Variants in KCNMB2 observed in about 807,000 individuals in gnomAD.
The protein encoded by KCNMB2 is calcium-activated potassium channel subunit beta-2.
In KCNMB2, 9 loss-of-function variants were observed where a neutral mutation model predicts 24.5. The observed-to-expected ratio is 0.37, with a 90% confidence interval of 0.22 to 0.64. The LOEUF is 0.64. Among genes scored for constraint, KCNMB2 ranks in the 30% least tolerant of loss-of-function variants. The pLI, the probability that KCNMB2 is intolerant of heterozygous loss-of-function variation, is 0.63. For synonymous variants in KCNMB2, 109 were observed against 104.4 expected, an observed-to-expected ratio of 1.04 and a Z score of -0.27; for missense variants, 226 against 284.3, an observed-to-expected ratio of 0.79 and a Z score of 1.47.
intron 3 of KCNMB2, 66 bp from the exon 4 acceptor site, chr3:178,828,112 C>T (rs953923844): frequency 2.5e-6 from 3 of 1,185,932 alleles, no homozygotes; most frequent in African/African-American, 3.0e-5. Context: ...AAATAATTCC[C>T]TCGGACTATA....
intron 1 of KCNMB2, among the ~76,000 whole-genome samples, chr3:178,771,473 C>CTTTTTTTTTTTTTTTTT (rs66694279): frequency 2.3e-5 from 2 of 87,516 alleles, no homozygotes; most frequent in African/African-American, 4.9e-5. Context: ...TTCTTTCTTT[C>CTTTTTTTTTTTTTTTTT]TTTTTTTTTT....
intron 1 of KCNMB2, among the ~76,000 whole-genome samples, chr3:178,675,720 G>C (rs947153695): frequency 3.3e-5 from 5 of 152,122 alleles, no homozygotes; most frequent in African/African-American, 1.2e-4. Context: ...AGCCATAATA[G>C]AGATCAGAGT....
At chr3:178,768,957 G>T (rs1712235642) in intron 1 of KCNMB2, among the ~76,000 whole-genome samples, 1 of 135,824 alleles carries the variant, frequency 7.4e-6, no homozygotes, top group Non-Finnish European at 1.6e-5. Flanking sequence ...ACATTGCACG[G>T]TGAAGAAGTG....
chr3:178,762,460 G>A (rs1711942600), intron 1 of KCNMB2, among the ~76,000 whole-genome samples: 1 of 152,188 alleles, frequency 6.6e-6, no homozygotes, highest in Non-Finnish European at 1.5e-5. Context: ...AACATGCAGG[G>A]CCTATGGGGA....
chr3:178,612,729 T>C (rs1462941785), intron 1 of KCNMB2, among the ~76,000 whole-genome samples: 1 of 152,178 alleles, frequency 6.6e-6, no homozygotes, highest in Non-Finnish European at 1.5e-5. Flanking sequence ...TAGTCCATTT[T>C]ACATTTAATA....
At chr3:178,678,102 C>T (rs368342894) in intron 1 of KCNMB2, among the ~76,000 whole-genome samples, 1 of 152,166 alleles carries the variant, frequency 6.6e-6, no homozygotes, top group Non-Finnish European at 1.5e-5. Flanking sequence ...GTCTCTTGTC[C>T]AATCAAAATG....
chr3:178,822,379 C>T (rs1263663948), intron 2 of KCNMB2, among the ~76,000 whole-genome samples: 1 of 152,170 alleles, frequency 6.6e-6, no homozygotes, highest in Non-Finnish European at 1.5e-5. Context: ...CTGGGGTATC[C>T]TTCCCTCTTC....
chr3:178,615,241 A>C (rs1718662901), intron 1 of KCNMB2, among the ~76,000 whole-genome samples: 1 of 152,292 alleles, frequency 6.6e-6, no homozygotes, highest in Middle Eastern at 3.4e-3. Context: ...ACAATACTGC[A>C]TCTCGCCCAT....
intron 2 of KCNMB2, among the ~76,000 whole-genome samples, chr3:178,825,188 G>T (rs1412250271): frequency 1.3e-5 from 2 of 152,132 alleles, no homozygotes; most frequent in African/African-American, 4.8e-5. Context: ...TGCTCCATTA[G>T]GTATTCCAAA....
At chr3:178,698,238 A>C (rs1721951829) in intron 1 of KCNMB2, among the ~76,000 whole-genome samples, 1 of 152,162 alleles carries the variant, frequency 6.6e-6, no homozygotes, top group Non-Finnish European at 1.5e-5. Flanking sequence ...GACACCAATA[A>C]GTCATAGATT....
chr3:178,581,120 T>C (rs750175491), intron 1 of KCNMB2, among the ~76,000 whole-genome samples: 1 of 152,206 alleles, frequency 6.6e-6, no homozygotes, highest in African/African-American at 2.4e-5. Flanking sequence ...CAAACTATAC[T>C]ACAAGGCTAC....
intron 1 of KCNMB2, among the ~76,000 whole-genome samples, chr3:178,763,005 T>C (rs1425918978): frequency 2.0e-5 from 3 of 152,046 alleles, no homozygotes; most frequent in African/African-American, 7.2e-5. Context: ...GATATAAATT[T>C]GGGAGTCTTG....
intron 1 of KCNMB2, among the ~76,000 whole-genome samples, chr3:178,778,474 A>ACGTGCGCGCGCGCGCG (rs1712686577): frequency 1.5e-5 from 1 of 65,656 alleles, no homozygotes; most frequent in South Asian, 4.5e-4. Flanking sequence ...ACACACACAC[A>ACGTGCGCGCGCGCGCG]CACACACACA....
chr3:178,772,304 A>G lies in KCNMB2; in HGVS notation c.-67-35039A>G, dbSNP rs189006386. 5.3e-5 allele frequency among the ~76,000 whole-genome samples: 8 copies of G among 152,272 alleles called. No homozygotes were observed. The East Asian group carries it at 1.5e-3, about 29-fold the overall frequency. On this transcript the variant is annotated intron_variant, in intron 1 of 4. Coordinates refer to ENST00000452583, the MANE Select transcript of KCNMB2 (RefSeq NM_181361.3). ...TTCATTTTGTTTAACTTAGTAGTTG[A>G]TATGGTTTGGCTGTGTCCCCAACCA...
chr3:178,723,606 C>A (rs11923800), intron 1 of KCNMB2, among the ~76,000 whole-genome samples: 25,544 of 151,994 alleles, frequency 0.17, 2,511 homozygotes, highest in African/African-American at 0.26. Flanking sequence ...GAATATAGTA[C>A]CTGATAGGTA....
intron 1 of KCNMB2, among the ~76,000 whole-genome samples, chr3:178,791,903 C>T (rs999352406): frequency 4.7e-5 from 7 of 149,052 alleles, no homozygotes; most frequent in Non-Finnish European, 1.0e-4. Context: ...GCAAAAATAT[C>T]TTTTAAACAT....
At chr3:178,582,596 T>A (rs1317995752) in intron 1 of KCNMB2, among the ~76,000 whole-genome samples, 3 of 152,220 alleles carry the variant, frequency 2.0e-5, no homozygotes, top group Non-Finnish European at 4.4e-5. Flanking sequence ...GATAATGGGT[T>A]GTCTAGTTTT....
chr3:178,842,724 C>T lies in KCNMB2; in HGVS notation c.495C>T (p.Asn165=). The change falls in exon 5 of 5, where the codon AAC becomes AAT. Residue 165 remains asparagine (N), a synonymous_variant. Transcript: ENST00000452583. Reference sequence around the variant, plus strand: ...CCCTGGTGAATGTTGTCATGGAAAACTTCAGGAAGTATCAACACTTCTCCT... The same window carrying T: ...CCCTGGTGAATGTTGTCATGGAAAATTTCAGGAAGTATCAACACTTCTCCT... ...SMSLVNVVME[N]FRKYQHFSCY... is the part of the protein sequence containing the mutation. 6.2e-7 allele frequency: 1 copy of T among 1,613,486 alleles called. No homozygotes were observed. Among genetic ancestry groups the T allele is most frequent in the Non-Finnish European group, 8.5e-7 (1 of 1,179,438 alleles).
At chr3:178,806,324 T>C (rs945410448) in intron 1 of KCNMB2, among the ~76,000 whole-genome samples, 5 of 152,190 alleles carry the variant, frequency 3.3e-5, no homozygotes, top group Admixed American at 6.6e-5. Context: ...ATAACACAGA[T>C]ATATGCATGT....
Sources: gnomAD v4.1 joint callset for allele counts (sites outside exome capture counted in the v4.1 genomes callset) on GRCh38, gnomAD v4.1.1 for gene constraint, MANE v1.5 for transcripts, NCBI Gene and HGNC (gene_info 2026-07-23, HGNC 2026-07-21) for gene names.